Variants in PDE4D observed in about 807,000 individuals in gnomAD.
PDE4D encodes the protein 3',5'-cyclic-AMP phosphodiesterase 4D.
Under a neutral mutation model 87.4 loss-of-function variants are expected in PDE4D, and 24 were observed. The ratio of observed to expected loss-of-function variants is 0.27; its 90% CI spans 0.20 to 0.39. The LOEUF (loss-of-function observed/expected upper bound fraction) is 0.39. Ranked by LOEUF, PDE4D falls within the 10% of genes least tolerant of loss-of-function variation. The pLI is 1.00. For missense variants in PDE4D, 714 were observed against 1,041.0 expected, an observed-to-expected ratio of 0.69 and a Z score of 4.32; for synonymous variants, 384 against 383.2, an observed-to-expected ratio of 1.00 and a Z score of -0.02.
At chr5:59,125,234 A>G (rs961473981) in intron 5 of PDE4D, 19 of 973,054 alleles carry the variant, frequency 2.0e-5, no homozygotes, top group Non-Finnish European at 2.2e-5. Context: ...TACTGCACTT[A>G]CCCTTGCTTC....
At chr5:60,289,182 C>A (rs992203060) in intron 1 of PDE4D, among the ~76,000 whole-genome samples, 1 of 151,998 alleles carries the variant, frequency 6.6e-6, no homozygotes, top group African/African-American at 2.4e-5. Flanking sequence ...AAGGAAAATG[C>A]GTTAGAAAAA....
intron 2 of PDE4D, among the ~76,000 whole-genome samples, chr5:60,097,078 G>A (rs960595778): frequency 6.6e-6 from 1 of 151,976 alleles, no homozygotes; most frequent in Non-Finnish European, 1.5e-5. Context: ...TAAATGGGAG[G>A]TAATGTGCTA....
chr5:59,574,095 A>AAATAT (rs1822544852), intron 1 of PDE4D, among the ~76,000 whole-genome samples: 1 of 1,498 alleles, frequency 6.7e-4, no homozygotes, highest in African/African-American at 1.7e-3. Context: ...TATATATATA[A>AAATAT]ATATATATTT....
intron 1 of PDE4D, among the ~76,000 whole-genome samples, chr5:59,261,276 G>A (rs961198071): frequency 2.6e-5 from 4 of 151,726 alleles, no homozygotes; most frequent in Non-Finnish European, 5.9e-5. Flanking sequence ...CCATTCGAAA[G>A]TTTTTGTTAG....
intron 6 of PDE4D, among the ~76,000 whole-genome samples, chr5:59,016,090 A>T (rs1160217154): frequency 1.3e-5 from 2 of 152,146 alleles, no homozygotes; most frequent in Non-Finnish European, 1.5e-5. Flanking sequence ...GAACACTTGG[A>T]CACAGGATGG....
intron 1 of PDE4D, among the ~76,000 whole-genome samples, chr5:59,752,938 G>A (rs532360371): frequency 2.6e-4 from 39 of 152,230 alleles, no homozygotes; most frequent in Admixed American, 1.8e-3. Flanking sequence ...GGCAAATTAC[G>A]GCCAGTGGGC....
intron 3 of PDE4D, among the ~76,000 whole-genome samples, chr5:59,943,578 A>G (rs1197341409): frequency 6.6e-6 from 1 of 152,076 alleles, no homozygotes; most frequent in East Asian, 1.9e-4. Flanking sequence ...CTTCTGCATA[A>G]TTTCCTCTTT....
At chr5:59,384,571 T>G (rs1027926348) in intron 1 of PDE4D, among the ~76,000 whole-genome samples, 6 of 148,900 alleles carry the variant, frequency 4.0e-5, no homozygotes, top group Non-Finnish European at 8.9e-5. Context: ...ATTTAGAGGT[T>G]GTCAGGGCAA....
intron 1 of PDE4D, among the ~76,000 whole-genome samples, chr5:60,329,204 A>G (rs1276639114): frequency 6.6e-6 from 1 of 152,054 alleles, no homozygotes; most frequent in African/African-American, 2.4e-5. Context: ...CATAATCCCC[A>G]TGTGTCATGA....
upstream of PDE4D, chr5:60,491,424 TTTAAA>T (rs1188947230): frequency 6.6e-6 from 1 of 152,296 alleles, no homozygotes; most frequent in Non-Finnish European, 1.5e-5. Flanking sequence ...GTTGTTATTG[TTTAAA>T]TTAATCTTCC....
At chr5:60,355,328 A>G (rs879890467) in intron 1 of PDE4D, among the ~76,000 whole-genome samples, 97 of 152,154 alleles carry the variant, frequency 6.4e-4, no homozygotes, top group Non-Finnish European at 1.1e-3. Context: ...GTAAATATTC[A>G]CATTGTCAGC....
chr5:59,544,968 A>G (rs1345652340), intron 1 of PDE4D, among the ~76,000 whole-genome samples: 1 of 152,182 alleles, frequency 6.6e-6, no homozygotes, highest in Admixed American at 6.5e-5. Flanking sequence ...GCAACAGAAA[A>G]TTTTGATCAT....
chr5:59,520,580 C>T (rs576304612), intron 1 of PDE4D, among the ~76,000 whole-genome samples: 11 of 151,144 alleles, frequency 7.3e-5, no homozygotes, highest in South Asian at 2.1e-4. Context: ...ATGGATTTCA[C>T]GTGAAAGAAG....
At chr5:60,224,787 G>A (rs978791754) in intron 1 of PDE4D, among the ~76,000 whole-genome samples, 3 of 152,066 alleles carry the variant, frequency 2.0e-5, no homozygotes, top group African/African-American at 4.8e-5. Flanking sequence ...CACATTCAAG[G>A]GGAGAGGAAT....
intron 2 of PDE4D, among the ~76,000 whole-genome samples, chr5:60,162,302 A>T (rs981230282): frequency 6.6e-6 from 1 of 152,060 alleles, no homozygotes; most frequent in Non-Finnish European, 1.5e-5. Context: ...CCATAACTGA[A>T]ATTAACCATG....
chr5:59,844,526 A>G (rs1282051035), intron 1 of PDE4D, among the ~76,000 whole-genome samples: 7 of 152,094 alleles, frequency 4.6e-5, no homozygotes, highest in African/African-American at 1.7e-4. Context: ...CTAGCAGTGC[A>G]TGATCTGGCC....
intron 1 of PDE4D, chr5:59,356,910 G>T: frequency 6.8e-7 from 1 of 1,464,348 alleles, no homozygotes; most frequent in Non-Finnish European, 8.9e-7. Flanking sequence ...GGGGCTCTGG[G>T]GCCCTGAGGC....
chr5:58,978,151 T>G (rs1744250492), intron 11 of PDE4D, among the ~76,000 whole-genome samples: 1 of 152,176 alleles, frequency 6.6e-6, no homozygotes, highest in Admixed American at 6.5e-5. Flanking sequence ...CTCTTTCCAC[T>G]TAATCACTGT....
chr5:60,358,841 G>A (rs1363537247), intron 1 of PDE4D, among the ~76,000 whole-genome samples: 1 of 152,140 alleles, frequency 6.6e-6, no homozygotes, highest in African/African-American at 2.4e-5. Flanking sequence ...TAGCAAACAA[G>A]ATATGTGTGC....
Sources: allele counts gnomAD v4.1 joint callset (sites outside exome capture counted in the v4.1 genomes callset), GRCh38; gene constraint gnomAD v4.1.1; transcripts MANE v1.5; gene names NCBI Gene and HGNC (gene_info 2026-07-23, HGNC 2026-07-21).